The following XPO7 variants were observed in gnomAD, a reference collection of about 807,000 sequenced individuals.
XPO7 encodes exportin-7.
XPO7 carries 21 observed loss-of-function variants against 144.3 expected under a neutral mutation model. That is an observed-to-expected ratio of 0.15 (90% CI 0.10 to 0.21). The LOEUF is 0.21. Ranked by LOEUF, XPO7 falls within the 10% of genes least tolerant of loss-of-function variation. The pLI, the probability that XPO7 is intolerant of heterozygous loss-of-function variation, is 1.00. For synonymous variants in XPO7, 580 were observed against 499.6 expected, an observed-to-expected ratio of 1.16 and a Z score of -2.15; for missense variants, 808 against 1,325.8, an observed-to-expected ratio of 0.61 and a Z score of 6.06.
chr8:21,990,423 T>C lies in XPO7; in HGVS notation c.1932+16T>C, dbSNP rs571051267. 2 of 1,612,262 alleles carry C rather than the reference T, an allele frequency of 1.2e-6. No homozygotes were observed. Among genetic ancestry groups the C allele is most frequent in the East Asian group, 2.2e-5 (1 of 44,818 alleles). On this transcript the variant is annotated intron_variant, in intron 17 of 27. Coordinates refer to ENST00000252512, the MANE Select transcript of XPO7 (RefSeq NM_015024.5). ...CAATCACACGGTGAGTGATTTTAGC[T>C]TTTTTTCCTGGCCCTCCTACCACCC... is the stretch of plus-strand genomic sequence containing the variant.
intron 26 of XPO7, among the ~76,000 whole-genome samples, 163 bp from the exon 27 acceptor site, chr8:22,003,740 A>T (rs535492018): frequency 1.3e-5 from 2 of 152,194 alleles, no homozygotes; most frequent in African/African-American, 2.4e-5. Flanking sequence ...ATGAAGCCAT[A>T]TTATCCCACA....
At chr8:21,991,084 G>A (rs1812757337) in intron 18 of XPO7, among the ~76,000 whole-genome samples, 165 bp downstream of exon 18, 1 of 152,154 alleles carries the variant, frequency 6.6e-6, no homozygotes, top group Non-Finnish European at 1.5e-5. Context: ...TCATGCTGTC[G>A]AGGTCCTTAT....
chr8:21,999,664 T>TA lies in XPO7; in HGVS notation c.2773dup (p.Thr925AsnfsTer4), dbSNP rs1237539715. On this transcript the variant is annotated frameshift_variant, in exon 24 of 28. Coordinates refer to ENST00000252512, the MANE Select transcript of XPO7 (RefSeq NM_015024.5). LOFTEE classifies it high-confidence loss of function. ...TTCTCTCTTCCATTTCTGAAGGACT[T>TA]ACTGCACTTGGTAAGCACCTGAGGT... 6.2e-7 allele frequency: 1 copy of TA among 1,613,950 alleles called. No individual in the cohort carries two copies. Among genetic ancestry groups the TA allele is most frequent in the African/African-American group, 1.3e-5 (1 of 74,938 alleles).
intron 20 of XPO7, 100 bp downstream of exon 20, chr8:21,994,551 G>A: frequency 8.9e-7 from 1 of 1,122,468 alleles, no homozygotes; most frequent in Non-Finnish European, 1.3e-6. Flanking sequence ...GGAGGGTAGT[G>A]AGGCAGAGAA....
rs1326089796 is a variant in XPO7, at chr8:21,990,741, C to CT, written c.1933-69dup. 9.7e-6 allele frequency: 14 copies of CT among 1,445,150 alleles called. No homozygotes were observed. The African/African-American group carries it at 2.0e-4, about 20-fold the overall frequency. The allele number at this position is 1,445,150 out of a possible 1,614,324, so 89.5% of individuals were successfully genotyped here. ...TGGCTTGAAAGGGCTCAGTAATTCT[C>CT]TGATTACTGGCTTGCATTCTGCCTC... On this transcript the variant is annotated intron_variant, in intron 17 of 27. Coordinates refer to ENST00000252512, the MANE Select transcript of XPO7 (RefSeq NM_015024.5).
intron 24 of XPO7, among the ~76,000 whole-genome samples, chr8:22,001,046 G>A (rs956268535): frequency 1.3e-5 from 2 of 152,100 alleles, no homozygotes; most frequent in Non-Finnish European, 2.9e-5. Context: ...GGACCTGGCC[G>A]GGCGTGGTGG....
intron 2 of XPO7, among the ~76,000 whole-genome samples, chr8:21,968,512 T>C (rs1445972884): frequency 1.3e-5 from 2 of 152,334 alleles, no homozygotes; most frequent in Admixed American, 1.3e-4. Context: ...CACTTGGTGT[T>C]TGGATTGATG....
At chr8:21,934,093 G>C (rs1329696062) in intron 1 of XPO7, among the ~76,000 whole-genome samples, 1 of 152,160 alleles carries the variant, frequency 6.6e-6, no homozygotes, top group Non-Finnish European at 1.5e-5. Context: ...ATAAAGCAGA[G>C]AACAAAATAG....
rs1265669930 is a variant in XPO7 at position 21,919,722 on chromosome 8, TGC to T, written c.-44_-43del. The stretch of plus-strand genomic sequence containing the variant: ...GCGGCGGCAGCGGCTCCGGCCGAGG[TGC>T]GCGCTGGGGGGGAGGGGGGGCCGGA... On this transcript the variant is annotated 5_prime_UTR_variant, in exon 1 of 28. Coordinates refer to ENST00000252512, the MANE Select transcript of XPO7 (RefSeq NM_015024.5). 1 of 243,514 alleles carries T rather than the reference TGC, an allele frequency of 4.1e-6. No homozygotes were observed. The highest frequency in any genetic ancestry group is 6.4e-5 in the Admixed American group (1 of 15,548). The allele number at this position is 243,514 out of a possible 1,614,324, so 15.1% of individuals were successfully genotyped here.
chr8:21,999,752 C>G, intron 24 of XPO7, 78 bp downstream of exon 24: 3 of 1,572,198 alleles, frequency 1.9e-6, no homozygotes, highest in Non-Finnish European at 2.6e-6. Flanking sequence ...AGAATCTTGC[C>G]CCAGTGTCCA....
At chr8:21,969,602 C>G in intron 3 of XPO7, 26 bp downstream of exon 3, 1 of 1,589,036 alleles carries the variant, frequency 6.3e-7, no homozygotes, top group Non-Finnish European at 8.6e-7. Context: ...TCTGTTCTGT[C>G]TTGAAGAAAA....
intron 1 of XPO7, among the ~76,000 whole-genome samples, chr8:21,941,947 A>G (rs1308429083): frequency 6.6e-6 from 1 of 152,212 alleles, no homozygotes; most frequent in Non-Finnish European, 1.5e-5. Flanking sequence ...TGATGTCTAA[A>G]GAAGCACACA....
At chr8:21,994,246 G>A in intron 19 of XPO7, 117 bp from the exon 20 acceptor site, 1 of 634,108 alleles carries the variant, frequency 1.6e-6, no homozygotes. Context: ...TATTTGAGAA[G>A]GAGTATATGT....
chr8:21,978,971 G>A (rs1227823139), intron 8 of XPO7, among the ~76,000 whole-genome samples: 2 of 152,184 alleles, frequency 1.3e-5, no homozygotes, highest in East Asian at 1.9e-4. Context: ...GGTGGAAAAG[G>A]GTCGAAAGCA....
chr8:21,930,500 G>A (rs1191416436), intron 1 of XPO7, among the ~76,000 whole-genome samples: 3 of 152,130 alleles, frequency 2.0e-5, no homozygotes, highest in African/African-American at 7.2e-5. Context: ...TTAAAGTGGT[G>A]AATAATTAAG....
In XPO7 at chr8:22,002,040, C is replaced by T. The variant is rs1048030187; in HGVS notation, c.2783-72C>T. The T allele has an allele frequency of 8.6e-6, 13 of 1,515,634 alleles. No homozygotes were observed. In the Admixed American group the frequency reaches 2.3e-4, roughly 26 times the overall value. 93.9% of individuals were successfully genotyped at this position (1,515,634 alleles called of 1,614,324 possible). A position where few individuals can be genotyped will look rare whatever the true frequency, so the allele number is the denominator to read the frequency against. ...GGCCACGGTACCCTAATGGATCTCA[C>T]CCAAAGATAGTCCATATTTGTCCAG... On this transcript the variant is annotated intron_variant, in intron 24 of 27. Transcript: ENST00000252512.
chr8:21,984,958 C>A, intron 12 of XPO7, 119 bp downstream of exon 12: 2 of 1,057,156 alleles, frequency 1.9e-6, no homozygotes, highest in Non-Finnish European at 2.7e-6. Flanking sequence ...CATCTGTTGT[C>A]TCCATATGCA....
chr8:21,976,724 G>A (rs1428014175), intron 7 of XPO7, among the ~76,000 whole-genome samples: 1 of 152,216 alleles, frequency 6.6e-6, no homozygotes, highest in Non-Finnish European at 1.5e-5. Context: ...CACGATCACA[G>A]CTCAGTGCAT....
intron 1 of XPO7, among the ~76,000 whole-genome samples, chr8:21,961,107 A>G (rs1167817289): frequency 6.6e-6 from 1 of 152,014 alleles, no homozygotes; most frequent in Non-Finnish European, 1.5e-5. Context: ...TTGGCTTTCT[A>G]TTTGGGAACT....
Sources: allele counts gnomAD v4.1 joint callset (sites outside exome capture counted in the v4.1 genomes callset), GRCh38; gene constraint gnomAD v4.1.1; transcripts MANE v1.5; gene names NCBI Gene and HGNC (gene_info 2026-07-23, HGNC 2026-07-21).